Variants in TMEM114 observed in about 807,000 individuals in gnomAD.
TMEM114 encodes claudin-26.
Under a neutral mutation model 6.2 loss-of-function variants are expected in TMEM114, and 6 were observed. The observed-to-expected ratio is 0.97, with a 90% CI of 0.53 to 1.91. The LOEUF (loss-of-function observed/expected upper bound fraction) is 1.91, where lower values mean the gene tolerates loss of function less well. TMEM114 is among the 40% of genes most tolerant of loss of function. The pLI is 0.01. For missense variants in TMEM114, 218 were observed against 158.3 expected, an observed-to-expected ratio of 1.38 and a Z score of -2.02; for synonymous variants, 104 against 73.0, an observed-to-expected ratio of 1.42 and a Z score of -2.16.
At chr16:8,587,540 C>T (rs914929390) in intron 2 of TMEM114, among the ~76,000 whole-genome samples, 153 of 152,320 alleles carry the variant, frequency 1.0e-3, no homozygotes, top group African/African-American at 3.3e-3. Context: ...ATATTTGTGG[C>T]AGGAGGAAAC....
At chr16:8,568,834 G>C (rs1287464733), downstream of TMEM114, among the ~76,000 whole-genome samples, 1 of 152,214 alleles carries the variant, frequency 6.6e-6, no homozygotes, top group Admixed American at 6.5e-5. Context: ...ATCAGATCAA[G>C]GATGTAGACA....
chr16:8,534,177 ATGGGGACAAGGTTTCGCAGTGTGATGAC>A (rs1311175130), downstream of TMEM114, among the ~76,000 whole-genome samples: 1 of 152,202 alleles, frequency 6.6e-6, no homozygotes. Context: ...CTCTGCCCAG[ATGGGGACAAGGTTTCGCAGTGTGATGAC>A]TGGGGTAAGG....
chr16:8,533,250 G>C (rs527900933), downstream of TMEM114, among the ~76,000 whole-genome samples: 5 of 152,362 alleles, frequency 3.3e-5, no homozygotes, highest in East Asian at 7.7e-4. Context: ...ATTAGTTCAA[G>C]AATATATCCT....
rs147791704 is a variant in TMEM114, at chr16:8,545,554, T to A, written n.213-7728A>T. On this transcript the variant is annotated intron_variant and non_coding_transcript_variant, in intron 2 of 2. Coordinates refer to the TMEM114 transcript ENST00000623677. The stretch of plus-strand genomic sequence containing the variant: ...TGTGGTCCTTAAATATTCATGTGTA[T>A]CAGAACCACCCAGAGGGCTACTCAA... 5.6e-3 allele frequency among the ~76,000 whole-genome samples: 854 copies of A among 152,314 alleles called. 6 individuals carry two copies. Among genetic ancestry groups the A allele is most frequent in the African/African-American group, 0.019 (810 of 41,552 alleles).
chr16:8,532,941 TA>T, downstream of TMEM114, among the ~76,000 whole-genome samples: 1 of 151,968 alleles, frequency 6.6e-6, no homozygotes, highest in East Asian at 1.9e-4. Context: ...GGAAAAAAAA[TA>T]AAGAAAAGAA....
chr16:8,561,204 C>G (rs1901187970), intron 2 of TMEM114, among the ~76,000 whole-genome samples: 1 of 152,232 alleles, frequency 6.6e-6, no homozygotes. Flanking sequence ...CCTGTCTGTC[C>G]AGCCCTAGGG....
At chr16:8,569,129 G>A (rs143868982), downstream of TMEM114, among the ~76,000 whole-genome samples, 78 of 152,334 alleles carry the variant, frequency 5.1e-4, no homozygotes, top group African/African-American at 1.7e-3. Flanking sequence ...GGACCCGGAT[G>A]GGGAGCCCAT....
chr16:8,563,422 T>TGG (rs906598857), intron 2 of TMEM114, among the ~76,000 whole-genome samples: 1 of 146,464 alleles, frequency 6.8e-6, no homozygotes, highest in African/African-American at 2.6e-5. Flanking sequence ...AATTAGTGAG[T>TGG]GAATGAGTGA....
chr16:8,562,019 TGTGAGTGAATGA>T (rs1901237961), intron 2 of TMEM114, among the ~76,000 whole-genome samples: 1 of 122,814 alleles, frequency 8.1e-6, no homozygotes, highest in African/African-American at 3.2e-5. Flanking sequence ...TGACTGAATG[TGTGAGTGAATGA>T]GTGAGTAAAT....
intron 2 of TMEM114, among the ~76,000 whole-genome samples, chr16:8,561,904 G>C (rs541005877): frequency 3.7e-4 from 27 of 73,172 alleles, no homozygotes; most frequent in African/African-American, 1.5e-3. Flanking sequence ...GAGTAAATGA[G>C]TGAATGAATG....
In TMEM114 at chr16:8,569,751, C is replaced by G. The variant is rs887190088; in HGVS notation, c.*22G>C. ...CTCCGGGGCCAAGCCCCTCCCTCCC[C>G]TCCACGACCCAGCGCCCAGGCTCAT... On this transcript the variant is annotated 3_prime_UTR_variant, in exon 4 of 4. Transcript: ENST00000620492. 3.8e-5 allele frequency: 58 copies of G among 1,538,644 alleles called. No individual in the cohort carries two copies. The highest frequency in any genetic ancestry group is 3.0e-4 in the Admixed American group (15 of 50,548).
chr16:8,571,745 G>C (rs1278271659), intron 3 of TMEM114, among the ~76,000 whole-genome samples: 1 of 152,182 alleles, frequency 6.6e-6, no homozygotes, highest in Non-Finnish European at 1.5e-5. Context: ...CTGATCAGCA[G>C]AATAGAGCGA....
downstream of TMEM114, among the ~76,000 whole-genome samples, chr16:8,565,107 A>AAGTG (rs369248463): frequency 1.6e-4 from 19 of 118,174 alleles, no homozygotes; most frequent in African/African-American, 5.9e-4. Flanking sequence ...CTGAGTGAAT[A>AAGTG]AGTGAGTGAG....
chr16:8,569,992 G>A lies in TMEM114; in HGVS notation c.453C>T (p.Leu151=), dbSNP rs892807063. ...ILFLFGAMVT[L]AGISVYIAYS... is the part of the protein sequence containing the mutation. ...ACGCTATGTAGACGCTGATCCCAGC[G>A]AGGGTCACCATGGCTGCAGGGAGGG... Residue 151 remains leucine (L), a synonymous_variant, in exon 4 of 4, where the codon CTC becomes CTT. Transcript: ENST00000620492. 67 of 1,549,644 alleles carry A rather than the reference G, an allele frequency of 4.3e-5. No homozygotes were observed. The African/African-American group carries it at 6.4e-4, about 15-fold the overall frequency.
Position 8,560,770 on chromosome 16 carries a change from A to G in TMEM114, n.213-22944T>C, listed in dbSNP as rs576026741. On this transcript the variant is annotated intron_variant and non_coding_transcript_variant, in intron 2 of 2. Transcript: ENST00000623677. ...TGTCTGGGATCCCCCATCAGCCCCA[A>G]CGTTCACCTCCAGGAGAAGGCACCA... 3.9e-5 allele frequency among the ~76,000 whole-genome samples: 6 copies of G among 152,290 alleles called. No homozygotes were observed. The East Asian group carries it at 9.7e-4, about 25-fold the overall frequency.
intron 2 of TMEM114, among the ~76,000 whole-genome samples, chr16:8,576,328 C>A (rs1423434889): frequency 2.6e-5 from 4 of 152,228 alleles, no homozygotes; most frequent in Admixed American, 1.3e-4. Flanking sequence ...TCCAAAGACA[C>A]CCCATCAAAG....
intron 2 of TMEM114, among the ~76,000 whole-genome samples, chr16:8,587,909 G>A (rs1450567540): frequency 1.3e-5 from 2 of 151,820 alleles, no homozygotes; most frequent in Non-Finnish European, 2.9e-5. Context: ...CAAGACTTTG[G>A]GAGGCCAAGG....
At chr16:8,541,417 A>G (rs1900512908) in intron 2 of TMEM114, among the ~76,000 whole-genome samples, 1 of 151,866 alleles carries the variant, frequency 6.6e-6, no homozygotes, top group Non-Finnish European at 1.5e-5. Context: ...ATATCTCAGG[A>G]TAAAAAAAAA....
intron 2 of TMEM114, among the ~76,000 whole-genome samples, chr16:8,564,341 G>A (rs1416144148): frequency 7.2e-6 from 1 of 139,454 alleles, no homozygotes; most frequent in East Asian, 2.1e-4. Flanking sequence ...GAATGAGTCA[G>A]TGAGAGAATG....
Sources: allele counts gnomAD v4.1 joint callset (sites outside exome capture counted in the v4.1 genomes callset), GRCh38; gene constraint gnomAD v4.1.1; transcripts MANE v1.5; gene names NCBI Gene and HGNC (gene_info 2026-07-23, HGNC 2026-07-21).